The following HPF1 variants were observed in gnomAD, a reference collection of about 807,000 sequenced individuals.
HPF1 encodes UPF0609 protein C4orf27.
Under a neutral mutation model 38.8 loss-of-function variants are expected in HPF1, and 35 were observed. The ratio of observed to expected loss-of-function variants is 0.90; its 90% CI spans 0.69 to 1.19. The LOEUF (loss-of-function observed/expected upper bound fraction) is 1.19. Ranked by LOEUF, HPF1 falls within the 50% of genes most tolerant of loss-of-function variation. The pLI is 0.00. For synonymous variants in HPF1, 115 were observed against 139.2 expected (o/e 0.83, Z 1.22); for missense variants, 367 against 405.8 (o/e 0.90, Z 0.82).
rs1037669323 is a variant in HPF1 at position 169,740,823 on chromosome 4, A to G, written c.648+1134T>C. Among the ~76,000 whole-genome samples, 10 of 152,320 alleles carry G rather than the reference A, an allele frequency of 6.6e-5. 1 individual carries two copies. Among genetic ancestry groups the G allele is most frequent in the African/African-American group, 2.4e-4 (10 of 41,588 alleles). On this transcript the variant is annotated intron_variant, in intron 5 of 7. Transcript: ENST00000393381. Reference sequence around the variant, plus strand: ...GAAGAATTAAGAAAATCTCCTCTGAAATAAATCATAGCTTGTGGTAGAAAA... The same window carrying G: ...GAAGAATTAAGAAAATCTCCTCTGAGATAAATCATAGCTTGTGGTAGAAAA...
chr4:169,750,725 T>TC lies in HPF1; in HGVS notation c.209-1dup (p.Asp70GlyfsTer16). The TC allele has an allele frequency of 1.3e-6, 2 of 1,589,460 alleles. No individual in the cohort carries two copies. The highest frequency in any genetic ancestry group is 8.6e-7 in the Non-Finnish European group (1 of 1,168,010). ...AAGTCCAAGGCTTGCAGAAAGTGAATCTATAAAGAAAATAAATTTAGACAA... is the reference window on the plus strand; with the variant it reads ...AAGTCCAAGGCTTGCAGAAAGTGAATCCTATAAAGAAAATAAATTTAGACAA... On this transcript the variant is annotated frameshift_variant and splice_region_variant. Transcript: ENST00000393381. LOFTEE classifies it high-confidence loss of function.
At chr4:169,753,524 C>T in intron 2 of HPF1, 152 bp downstream of exon 2, 1 of 644,926 alleles carries the variant, frequency 1.6e-6, no homozygotes, top group Non-Finnish European at 2.7e-6. Context: ...TTGTGGAGGT[C>T]TCACTATGTT....
rs182952702 is a variant in HPF1 at position 169,737,676 on chromosome 4, C to T, written c.720G>A (p.Glu240=). 1.9e-6 allele frequency: 3 copies of T among 1,605,846 alleles called. No individual in the cohort carries two copies. Among genetic ancestry groups the T allele is most frequent in the African/African-American group, 2.7e-5 (2 of 74,824 alleles). The change falls in exon 6 of 8, where the codon GAG becomes GAA. Residue 240 remains glutamate, a synonymous_variant. Coordinates refer to ENST00000393381, the MANE Select transcript of HPF1 (RefSeq NM_017867.3). ...ATACATTACCATCTGTTTCAGGGAG[C>T]TCTCGGTACCCAACATCATTTTTAT... is the stretch of plus-strand genomic sequence containing the variant. The part of the protein sequence containing the change: ...PVDKNDVGYR[E]LPETDADLKR...
intron 6 of HPF1, 118 bp from the exon 7 acceptor site, chr4:169,731,994 T>A: frequency 1.3e-6 from 1 of 751,342 alleles, no homozygotes; most frequent in South Asian, 1.9e-5. Context: ...TAATACAACT[T>A]GTGCCACCTT....
chr4:169,741,311 G>A (rs2150290697), intron 5 of HPF1, among the ~76,000 whole-genome samples: 1 of 152,266 alleles, frequency 6.6e-6, no homozygotes, highest in Non-Finnish European at 1.5e-5. Context: ...AGGAGACTGG[G>A]GAGCCCTCAT....
intron 6 of HPF1, among the ~76,000 whole-genome samples, chr4:169,736,220 C>G (rs1733890947): frequency 1.3e-5 from 2 of 151,398 alleles, no homozygotes; most frequent in Non-Finnish European, 2.9e-5. Flanking sequence ...CTCTACAGGA[C>G]AAAAACAAAA....
chr4:169,740,708 A>C (rs1413342452), intron 5 of HPF1, among the ~76,000 whole-genome samples: 2 of 152,194 alleles, frequency 1.3e-5, no homozygotes, highest in African/African-American at 4.8e-5. Context: ...TTTGTATAAA[A>C]AACAAATACT....
At chr4:169,744,417 T>TA (rs1381737523) in intron 4 of HPF1, among the ~76,000 whole-genome samples, 2 of 152,226 alleles carry the variant, frequency 1.3e-5, no homozygotes, top group African/African-American at 4.8e-5. Context: ...TCTAACACTT[T>TA]ACTGTGTGAT....
intron 4 of HPF1, among the ~76,000 whole-genome samples, chr4:169,744,821 T>C (rs1419349846): frequency 6.8e-6 from 1 of 147,798 alleles, no homozygotes; most frequent in Non-Finnish European, 1.5e-5. Flanking sequence ...GAGTCACTCT[T>C]TTTTTTTTTT....
intron 3 of HPF1, among the ~76,000 whole-genome samples, chr4:169,749,528 C>A (rs1436163892): frequency 6.6e-6 from 1 of 152,032 alleles, no homozygotes; most frequent in African/African-American, 2.4e-5. Context: ...AGTAAAATAT[C>A]TTTTAAAAAG....
intron 4 of HPF1, among the ~76,000 whole-genome samples, chr4:169,747,524 G>T (rs1734064991): frequency 6.6e-6 from 1 of 152,148 alleles, no homozygotes; most frequent in Non-Finnish European, 1.5e-5. Context: ...TCAAAGAAAA[G>T]ATAATCTACT....
chr4:169,737,570 G>C (rs1733914130), intron 6 of HPF1, 90 bp downstream of exon 6: 1 of 829,730 alleles, frequency 1.2e-6, no homozygotes, highest in Admixed American at 1.7e-5. Flanking sequence ...GTCAGAAAAG[G>C]TATATAGACA....
intron 1 of HPF1, among the ~76,000 whole-genome samples, chr4:169,756,820 C>T (rs944250413): frequency 1.3e-5 from 2 of 152,192 alleles, no homozygotes; most frequent in Non-Finnish European, 2.9e-5. Context: ...ATTTTTTCAG[C>T]TGTGCCTTTA....
chr4:169,742,588 C>A (rs940485931), intron 4 of HPF1, among the ~76,000 whole-genome samples: 1 of 152,110 alleles, frequency 6.6e-6, no homozygotes, highest in Non-Finnish European at 1.5e-5. Flanking sequence ...GTCAGGAGAT[C>A]AAGACCATCC....
At chr4:169,751,101 T>C (rs1734113019) in intron 2 of HPF1, among the ~76,000 whole-genome samples, 3 of 152,086 alleles carry the variant, frequency 2.0e-5, no homozygotes, top group African/African-American at 7.2e-5. Flanking sequence ...CAAAAATGTG[T>C]GGATTAAGAG....
chr4:169,748,665 C>A, intron 4 of HPF1, 79 bp downstream of exon 4: 1 of 682,332 alleles, frequency 1.5e-6, no homozygotes. Context: ...AGCCACTGTG[C>A]CCAGCCCCTC....
chr4:169,740,175 G>T (rs528444644), intron 5 of HPF1, among the ~76,000 whole-genome samples: 1 of 152,298 alleles, frequency 6.6e-6, no homozygotes, highest in Non-Finnish European at 1.5e-5. Flanking sequence ...TATGAAAAAG[G>T]TGAAGTGGCA....
chr4:169,748,046 A>G (rs1734070684), intron 4 of HPF1, among the ~76,000 whole-genome samples: 1 of 152,184 alleles, frequency 6.6e-6, no homozygotes. Flanking sequence ...GAGCCACACA[A>G]CTGTCATTCC....
At position 169,748,081 on chromosome 4, in the gene HPF1, C is replaced by T. The variant is rs543823536; in HGVS notation, c.497+663G>A. ...CTGGAAGCTCAGCCTGCTCCCTCAA[C>T]CCTTCCAAGGATATAATGACCACCT... On this transcript the variant is annotated intron_variant, in intron 4 of 7. Transcript: ENST00000393381. Among the ~76,000 whole-genome samples the T allele has an allele frequency of 2.0e-5, 3 of 152,326 alleles. No homozygotes were observed. The East Asian group carries it at 5.8e-4, about 29-fold the overall frequency.
Sources: allele counts gnomAD v4.1 joint callset (sites outside exome capture counted in the v4.1 genomes callset), GRCh38; gene constraint gnomAD v4.1.1; transcripts MANE v1.5; gene names NCBI Gene and HGNC (gene_info 2026-07-23, HGNC 2026-07-21).